The following RSPH14 variants were observed in gnomAD, a reference collection of about 807,000 sequenced individuals.
The protein encoded by RSPH14 is radial spoke head 14 homolog, also known as rhabdoid tumor deletion region gene 1.
In RSPH14, 20 loss-of-function variants were observed where a neutral mutation model predicts 26.7. That is an observed-to-expected ratio of 0.75 (90% CI 0.53 to 1.09). The LOEUF (loss-of-function observed/expected upper bound fraction) is 1.09, where lower values mean the gene tolerates loss of function less well. Ranked by LOEUF, RSPH14 falls within the 50% of genes least tolerant of loss-of-function variation. The pLI is 0.00. For missense variants in RSPH14, 449 were observed against 457.2 expected, an observed-to-expected ratio of 0.98 and a Z score of 0.16; for synonymous variants, 177 against 189.3, an observed-to-expected ratio of 0.93 and a Z score of 0.53.
At chr22:23,095,318 A>C (rs988734075) in intron 4 of RSPH14, 1 of 251,332 alleles carries the variant, frequency 4.0e-6, no homozygotes, top group Non-Finnish European at 7.8e-6. Context: ...CCGGCCCTCC[A>C]ACCCTCCAGC....
At chr22:23,169,242 T>C in the RSPH14 span, among the ~76,000 whole-genome samples, 4 of 152,350 alleles carry the variant, frequency 2.6e-5, no homozygotes, top group South Asian at 8.3e-4. Flanking sequence ...TGCTCCGCAC[T>C]CTGGCTGGGG....
intron 4 of RSPH14, among the ~76,000 whole-genome samples, chr22:23,101,301 A>G (rs1181681141): frequency 4.6e-5 from 7 of 151,702 alleles, no homozygotes; most frequent in Non-Finnish European, 8.9e-5. Flanking sequence ...TGGGAATTCC[A>G]GTGGCCCCCC....
At chr22:23,131,900 G>A (rs753633170) in intron 4 of RSPH14, among the ~76,000 whole-genome samples, 8 of 152,140 alleles carry the variant, frequency 5.3e-5, no homozygotes, top group Non-Finnish European at 8.8e-5. Flanking sequence ...CAGGCCTAGT[G>A]TGCTCAACTC....
chr22:23,161,202 C>A, the RSPH14 span, among the ~76,000 whole-genome samples: 1 of 152,186 alleles, frequency 6.6e-6, no homozygotes, highest in Non-Finnish European at 1.5e-5. Flanking sequence ...CCTCCCTAGC[C>A]CTCCCTGTTC....
At chr22:23,070,775 T>A (rs1009900238) in intron 4 of RSPH14, 3 of 151,624 alleles carry the variant, frequency 2.0e-5, no homozygotes, top group African/African-American at 7.3e-5. Context: ...GGGCGGCCTC[T>A]GGTCGGGCAG....
At chr22:23,075,412 G>A (rs959762780) in intron 4 of RSPH14, among the ~76,000 whole-genome samples, 1 of 152,206 alleles carries the variant, frequency 6.6e-6, no homozygotes, top group Non-Finnish European at 1.5e-5. Flanking sequence ...AGAGGCAGCA[G>A]GAGGCACATC....
At chr22:23,135,637 T>C (rs1021385101) in intron 3 of RSPH14, among the ~76,000 whole-genome samples, 1 of 152,192 alleles carries the variant, frequency 6.6e-6, no homozygotes, top group Non-Finnish European at 1.5e-5. Context: ...GTTATGAGTA[T>C]GGTTTAAGCA....
the RSPH14 span, among the ~76,000 whole-genome samples, chr22:23,159,445 A>G: frequency 1.3e-5 from 2 of 152,236 alleles, no homozygotes; most frequent in African/African-American, 2.4e-5. Context: ...GAGCTGCGTC[A>G]TCTCTAGAAG....
chr22:23,137,436 C>G (rs1275206455), intron 3 of RSPH14, among the ~76,000 whole-genome samples: 3 of 151,652 alleles, frequency 2.0e-5, no homozygotes, highest in Non-Finnish European at 4.4e-5. Flanking sequence ...TCCTCATTCC[C>G]CCTTCCTGTC....
At chr22:23,152,756 C>T in the RSPH14 span, among the ~76,000 whole-genome samples, 1 of 152,196 alleles carries the variant, frequency 6.6e-6, no homozygotes, top group South Asian at 2.1e-4. Flanking sequence ...CAGACTGTCC[C>T]CCTGGGGCCA....
At chr22:23,099,750 A>G (rs1266448315) in intron 4 of RSPH14, among the ~76,000 whole-genome samples, 1 of 152,056 alleles carries the variant, frequency 6.6e-6, no homozygotes, top group Non-Finnish European at 1.5e-5. Flanking sequence ...AAAGACAGTC[A>G]CTCTGCTGCC....
chr22:23,095,368 C>T, intron 4 of RSPH14: 1 of 312,082 alleles, frequency 3.2e-6, no homozygotes, highest in Non-Finnish European at 6.0e-6. Context: ...AACCAGACGG[C>T]AGCAGCCGAG....
At chr22:23,073,416 C>A (rs905917604) in intron 4 of RSPH14, among the ~76,000 whole-genome samples, 5 of 152,234 alleles carry the variant, frequency 3.3e-5, no homozygotes, top group Admixed American at 6.5e-5. Flanking sequence ...AGCACCCAGA[C>A]TGTTGTGGCT....
the RSPH14 span, among the ~76,000 whole-genome samples, chr22:23,164,583 C>A: frequency 6.6e-6 from 1 of 152,174 alleles, no homozygotes; most frequent in African/African-American, 2.4e-5. Context: ...TTCCCAGCAT[C>A]GGGCAGTAAG....
chr22:23,175,219 C>T, the RSPH14 span, among the ~76,000 whole-genome samples: 1 of 152,074 alleles, frequency 6.6e-6, no homozygotes, highest in Non-Finnish European at 1.5e-5. Flanking sequence ...AGAATGGTCT[C>T]GATATCCTGA....
chr22:23,116,115 G>T (rs1162013504), intron 4 of RSPH14, among the ~76,000 whole-genome samples: 1 of 152,266 alleles, frequency 6.6e-6, no homozygotes, highest in Non-Finnish European at 1.5e-5. Flanking sequence ...ACGTCTGTGT[G>T]TGCGTTTGCC....
chr22:23,111,860 AGTGGGCT>A (rs1466746580), intron 4 of RSPH14, among the ~76,000 whole-genome samples: 6 of 152,214 alleles, frequency 3.9e-5, no homozygotes, highest in Non-Finnish European at 7.3e-5. Context: ...GGCAGTGGGC[AGTGGGCT>A]GTCTGAAACC....
chr22:23,126,088 A>C (rs1185732190), intron 4 of RSPH14, among the ~76,000 whole-genome samples: 1 of 152,220 alleles, frequency 6.6e-6, no homozygotes, highest in Non-Finnish European at 1.5e-5. Context: ...ATAACGTGTG[A>C]CTTAAAATCG....
the RSPH14 span, chr22:23,162,297 C>T: frequency 4.0e-6 from 1 of 250,854 alleles, no homozygotes; most frequent in East Asian, 1.0e-4. Flanking sequence ...CCACTCAGGC[C>T]TTTCTGGCCC....
Sources: gnomAD v4.1 joint callset for allele counts (sites outside exome capture counted in the v4.1 genomes callset) on GRCh38, gnomAD v4.1.1 for gene constraint, MANE v1.5 for transcripts, NCBI Gene and HGNC (gene_info 2026-07-23, HGNC 2026-07-21) for gene names.